Variants in USP50 observed in about 807,000 individuals in gnomAD.
USP50 encodes ubiquitin specific peptidase 50, also known as ubiquitin carboxyl-terminal hydrolase 50.
Under a neutral mutation model 39.2 loss-of-function variants are expected in USP50, and 37 were observed. That is an observed-to-expected ratio of 0.94 (90% CI 0.73 to 1.24). USP50 has a LOEUF of 1.24. Ranked by LOEUF, USP50 falls within the 50% of genes most tolerant of loss-of-function variation. USP50 has a pLI of 0.00. For synonymous variants in USP50, 139 were observed against 144.5 expected, an observed-to-expected ratio of 0.96 and a Z score of 0.27; for missense variants, 374 against 398.2, an observed-to-expected ratio of 0.94 and a Z score of 0.52.
At chr15:50,520,485 A>C (rs143823229) in intron 6 of USP50, among the ~76,000 whole-genome samples, 40 of 151,980 alleles carry the variant, frequency 2.6e-4, no homozygotes, top group African/African-American at 9.4e-4. Context: ...TTTTTTGTAG[A>C]GACGGGGTGT....
downstream of USP50, chr15:50,496,844 C>G: frequency 6.0e-6 from 2 of 334,622 alleles, no homozygotes; most frequent in Non-Finnish European, 1.1e-5. Context: ...TCTGATTGAC[C>G]AGGTTAGGGG....
At chr15:50,493,955 TTAATG>T, downstream of USP50, 1 of 1,187,924 alleles carries the variant, frequency 8.4e-7, no homozygotes, top group South Asian at 1.3e-5. Flanking sequence ...AATAAGTAGT[TTAATG>T]TAGTGCTACA....
chr15:50,525,366 A>G (rs1167641818), intron 6 of USP50, among the ~76,000 whole-genome samples: 2 of 151,842 alleles, frequency 1.3e-5, no homozygotes, highest in African/African-American at 4.8e-5. Flanking sequence ...AATAAAAGGT[A>G]TTGTGTATTT....
At chr15:50,522,251 C>A (rs971977476) in intron 6 of USP50, among the ~76,000 whole-genome samples, 1 of 151,652 alleles carries the variant, frequency 6.6e-6, no homozygotes, top group Non-Finnish European at 1.5e-5. Flanking sequence ...ATAGTGAGAC[C>A]CCATCTCTAC....
chr15:50,542,059 AAAGAT>A (rs2053033836), intron 3 of USP50, among the ~76,000 whole-genome samples: 1 of 151,888 alleles, frequency 6.6e-6, no homozygotes, highest in African/African-American at 2.4e-5. Flanking sequence ...AAAAAAAAAA[AAAGAT>A]AAGAGAGCAA....
At chr15:50,504,127 TA>T (rs541570446) in intron 6 of USP50, 2 of 152,330 alleles carry the variant, frequency 1.3e-5, no homozygotes, top group South Asian at 4.1e-4. Flanking sequence ...TATTTTAAAA[TA>T]CAGTGTAACA....
chr15:50,503,582 T>C (rs921360793), intron 6 of USP50: 1 of 152,234 alleles, frequency 6.6e-6, no homozygotes, highest in Admixed American at 6.5e-5. Flanking sequence ...CTAGTGCTTG[T>C]GTTAGCTTGG....
intron 6 of USP50, among the ~76,000 whole-genome samples, chr15:50,520,709 T>C (rs561650101): frequency 6.6e-6 from 1 of 152,226 alleles, no homozygotes; most frequent in South Asian, 2.1e-4. Flanking sequence ...GGTCGTCATG[T>C]TAAGTGAAAT....
In USP50 at chr15:50,544,455, T is replaced by A. The variant is rs919704373; in HGVS notation, c.248+132A>T. The A allele has an allele frequency of 5.7e-5, 42 of 740,852 alleles. No individual in the cohort carries two copies. The African/African-American group carries it at 7.5e-4, about 13-fold the overall frequency. 45.9% of individuals were successfully genotyped at this position (740,852 alleles called of 1,614,324 possible). A position where few individuals can be genotyped will look rare whatever the true frequency, so the allele number is the denominator to read the frequency against. ...CCCACTTTTACTTACTCTAGCGTGT[T>A]ATCTGGGAAGCTACAACCTCTACTG... On this transcript the variant is annotated intron_variant, in intron 2 of 6. Transcript: ENST00000532404.
In USP50 at chr15:50,500,820, C is replaced by T; in HGVS notation, c.954G>A (p.Leu318=). 1 of 1,583,840 alleles carries T rather than the reference C, an allele frequency of 6.3e-7. No individual in the cohort carries two copies. Among genetic ancestry groups the T allele is most frequent in the Non-Finnish European group, 8.6e-7 (1 of 1,164,296 alleles). Residue 318 remains leucine, a synonymous_variant, in exon 7 of 7, where the codon TTG becomes TTA. Transcript: ENST00000532404. ...LCAVVNHFGD[L]DGGHYTAFCK... is the part of the protein sequence containing the mutation. ...AGAAAGCAGTGTAGTGGCCACCATC[C>T]AAATCACCAAAATGGTTCTATGGGA... is the stretch of plus-strand genomic sequence containing the variant.
chr15:50,518,888 G>A (rs2052824949), intron 6 of USP50, among the ~76,000 whole-genome samples: 1 of 152,086 alleles, frequency 6.6e-6, no homozygotes. Context: ...GTAAAATGGG[G>A]AAAATATACT....
intron 6 of USP50, among the ~76,000 whole-genome samples, chr15:50,520,444 G>C (rs1007507205): frequency 1.3e-5 from 2 of 151,928 alleles, no homozygotes; most frequent in African/African-American, 4.8e-5. Context: ...TGGGACTACA[G>C]GCACATGCCA....
At chr15:50,529,664 G>T in intron 6 of USP50, 133 bp downstream of exon 6, 1 of 942,032 alleles carries the variant, frequency 1.1e-6, no homozygotes, top group Non-Finnish European at 1.6e-6. Flanking sequence ...GGTCAAAGTG[G>T]AGAGTTTCCT....
downstream of USP50, chr15:50,493,268 C>A: frequency 1.9e-6 from 1 of 514,888 alleles, no homozygotes; most frequent in Non-Finnish European, 3.8e-6. Context: ...ACATTGGCAA[C>A]ACCTGAATTT....
chr15:50,497,224 C>G (rs1213598743), downstream of USP50: 14 of 1,602,454 alleles, frequency 8.7e-6, no homozygotes, highest in Non-Finnish European at 1.1e-5. Context: ...TTTAGTGCAT[C>G]TGAAACGGTA....
intron 6 of USP50, among the ~76,000 whole-genome samples, chr15:50,524,422 C>G (rs542960216): frequency 5.3e-4 from 81 of 152,150 alleles, no homozygotes; most frequent in African/African-American, 1.7e-3. Context: ...AACTCATTAG[C>G]AAGAAAACAA....
At chr15:50,494,355 T>A in intron 1 of USP50, 2 of 1,316,830 alleles carry the variant, frequency 1.5e-6, no homozygotes, top group Non-Finnish European at 2.1e-6. Context: ...TATAGCAGTT[T>A]AAAATTCTAG....
intron 6 of USP50, among the ~76,000 whole-genome samples, chr15:50,523,325 A>G (rs1307947990): frequency 6.6e-6 from 1 of 151,188 alleles, no homozygotes. Flanking sequence ...GTGCACCACT[A>G]TACTTGGCTA....
chr15:50,521,502 C>T lies in USP50; in HGVS notation c.936+8295G>A, dbSNP rs527344411. Among the ~76,000 whole-genome samples the T allele has an allele frequency of 1.5e-4, 23 of 152,068 alleles. No individual in the cohort carries two copies. The East Asian group carries it at 1.9e-3, about 13-fold the overall frequency. On this transcript the variant is annotated intron_variant, in intron 6 of 6. Transcript: ENST00000532404. ...CCCAAGGCACTAGAGAAAGAACAGA[C>T]GAAGCCCAAAATTAGCAGAAGGAGG...
Sources: gnomAD v4.1 joint callset for allele counts (sites outside exome capture counted in the v4.1 genomes callset) on GRCh38, gnomAD v4.1.1 for gene constraint, MANE v1.5 for transcripts, NCBI Gene and HGNC (gene_info 2026-07-23, HGNC 2026-07-21) for gene names.